BTBD16: variants seen among roughly 807,000 people sequenced by gnomAD.
BTBD16 encodes the protein BTB/POZ domain-containing protein 16.
A neutral mutation model predicts 67.4 loss-of-function variants in BTBD16; 66 were observed. The observed-to-expected ratio is 0.98, with a 90% CI of 0.80 to 1.20. BTBD16 has a LOEUF of 1.20. Ranked by LOEUF, BTBD16 falls within the 50% of genes most tolerant of loss-of-function variation. BTBD16 has a pLI of 0.00. For synonymous variants in BTBD16, 242 were observed against 236.4 expected (o/e 1.02, Z -0.22); for missense variants, 634 against 616.0 (o/e 1.03, Z -0.31).
At position 122,321,135 on chromosome 10, in the gene BTBD16, T is replaced by G. The variant is rs113030010; in HGVS notation, c.912-8345T>G. Among the ~76,000 whole-genome samples, 285 of 152,314 alleles carry G rather than the reference T, an allele frequency of 1.9e-3. 1 individual carries two copies. Among genetic ancestry groups the G allele is most frequent in the African/African-American group, 5.8e-3 (242 of 41,574 alleles). ...TTTTCTGTTTCTGCATTAATTCACT[T>G]AGGATAATGGTCTCCATCTGCATTC... On this transcript the variant is annotated intron_variant, in intron 10 of 15. Coordinates refer to ENST00000260723, the MANE Select transcript of BTBD16 (RefSeq NM_144587.5).
intron 2 of BTBD16, 143 bp from the exon 3 acceptor site, chr10:122,276,648 G>A: frequency 1.8e-6 from 2 of 1,084,512 alleles, no homozygotes; most frequent in South Asian, 1.6e-5. Context: ...GAGTTGTCTT[G>A]TGAGAAATAT....
intron 5 of BTBD16, chr10:122,287,378 G>A (rs944820932): frequency 2.2e-5 from 21 of 960,750 alleles, no homozygotes; most frequent in South Asian, 4.8e-5. Flanking sequence ...TTAACGTTAC[G>A]GTCTTTAACA....
intron 11 of BTBD16, 125 bp from the exon 12 acceptor site, chr10:122,331,051 G>A: frequency 7.7e-7 from 1 of 1,292,412 alleles, no homozygotes; most frequent in Non-Finnish European, 1.0e-6. Context: ...AAACCTTAAA[G>A]GAGACCATCC....
intron 10 of BTBD16, among the ~76,000 whole-genome samples, chr10:122,318,039 GT>G (rs527429961): frequency 9.9e-5 from 15 of 151,540 alleles, no homozygotes; most frequent in South Asian, 2.1e-4. Context: ...GCACAGTAGG[GT>G]TTTTTTTTAC....
chr10:122,304,392 T>C (rs2096399530), intron 9 of BTBD16, among the ~76,000 whole-genome samples: 1 of 152,084 alleles, frequency 6.6e-6, no homozygotes, highest in African/African-American at 2.4e-5. Context: ...GTGATGTATT[T>C]TAAGGCCAGG....
rs1229574035 is a variant in BTBD16 at position 122,271,359 on chromosome 10, A to AG, written c.-193dup. 1 of 152,258 alleles carries AG rather than the reference A, an allele frequency of 6.6e-6. No homozygotes were observed. The allele number at this position is 152,258 out of a possible 1,614,324, so 9.4% of individuals were successfully genotyped here. ...AAGCACCTTGGCCCATAAGAAGAAA[A>AG]GGGGGAGCCCCAGATGTGATGAGCG... On this transcript the variant is annotated 5_prime_UTR_variant, in exon 1 of 16. Transcript: ENST00000260723.
At chr10:122,277,345 G>A (rs2096343055) in intron 3 of BTBD16, among the ~76,000 whole-genome samples, 1 of 151,996 alleles carries the variant, frequency 6.6e-6, no homozygotes, top group Non-Finnish European at 1.5e-5. Flanking sequence ...TCAATCTCAT[G>A]GCATTCCGAG....
rs758122265 is a variant in BTBD16, at chr10:122,297,840, GAGAACAACCC to G, written c.660+7_660+16del. 5 of 1,613,954 alleles carry G rather than the reference GAGAACAACCC, an allele frequency of 3.1e-6. No homozygotes were observed. Among genetic ancestry groups the G allele is most frequent in the African/African-American group, 1.3e-5 (1 of 74,948 alleles). On this transcript the variant is annotated splice_donor_5th_base_variant and intron_variant, in intron 8 of 15. Transcript: ENST00000260723. ...AATTCTACGAGGCCGGCTGCAAGGTGAGAACAACCCAGACGGGGCACATCGCCCCTTGGGG... is the reference window on the plus strand; with the variant it reads ...AATTCTACGAGGCCGGCTGCAAGGTGAGACGGGGCACATCGCCCCTTGGGG...
rs541119104 is a variant in BTBD16 at position 122,284,318 on chromosome 10, A to T, written c.241+394A>T. 5.9e-5 allele frequency among the ~76,000 whole-genome samples: 9 copies of T among 152,228 alleles called. No homozygotes were observed. The South Asian group carries it at 1.9e-3, about 32-fold the overall frequency. ...ACAAAAACTAGCTAGTTGTAGTGGC[A>T]TGCACATGTAATCCCAGCTACTCAG... On this transcript the variant is annotated intron_variant, in intron 4 of 15. Transcript: ENST00000260723.
intron 2 of BTBD16, 139 bp downstream of exon 2, chr10:122,275,238 G>C: frequency 3.7e-6 from 3 of 819,050 alleles, no homozygotes; most frequent in East Asian, 4.9e-5. Context: ...GCTGGAAAGA[G>C]CGCGTCCAGG....
chr10:122,277,072 G>A, intron 3 of BTBD16, 133 bp downstream of exon 3: 1 of 1,065,006 alleles, frequency 9.4e-7, no homozygotes, highest in Admixed American at 2.8e-5. Flanking sequence ...TCCCTCTGGA[G>A]CCAGCTCTCA....
At chr10:122,298,218 G>C (rs891245122) in intron 8 of BTBD16, among the ~76,000 whole-genome samples, 5 of 152,136 alleles carry the variant, frequency 3.3e-5, no homozygotes, top group African/African-American at 1.2e-4. Context: ...CATTCTCAGA[G>C]GAGAAAACAG....
At position 122,336,493 on chromosome 10, in the gene BTBD16, GA is replaced by G. The variant is rs779010421; in HGVS notation, c.1264del (p.Arg422GlufsTer2). 3.8e-6 allele frequency: 6 copies of G among 1,598,510 alleles called. No individual in the cohort carries two copies. Among genetic ancestry groups the G allele is most frequent in the Non-Finnish European group, 5.1e-6 (6 of 1,174,144 alleles). On this transcript the variant is annotated frameshift_variant and splice_region_variant, in exon 15 of 16. Coordinates refer to ENST00000260723, the MANE Select transcript of BTBD16 (RefSeq NM_144587.5). LOFTEE classifies it high-confidence loss of function. Reference protein sequence around the residue: ...DTTSYSFYMQRIKHTDLESPS... With the variant: ...DTTSYSFYMQXIKHTDLESPS... Reference sequence around the variant, plus strand: ...CCTAAGGTGAATCACTCTCTTTGCAGAGAATAAAGCACACAGACCTGGAATC... The same window carrying G: ...CCTAAGGTGAATCACTCTCTTTGCAGGAATAAAGCACACAGACCTGGAATC...
At chr10:122,336,881 G>C (rs565228519) in intron 15 of BTBD16, among the ~76,000 whole-genome samples, 199 bp downstream of exon 15, 108 of 152,248 alleles carry the variant, frequency 7.1e-4, no homozygotes, top group Non-Finnish European at 1.3e-4. Context: ...CATGGATACA[G>C]GTAACTATAA....
intron 10 of BTBD16, among the ~76,000 whole-genome samples, chr10:122,312,067 A>G (rs547431608): frequency 6.6e-6 from 1 of 152,368 alleles, no homozygotes; most frequent in South Asian, 2.1e-4. Context: ...GTATTGCTAT[A>G]TACAACCATG....
intron 3 of BTBD16, among the ~76,000 whole-genome samples, chr10:122,282,706 A>C (rs111385842): frequency 2.9e-4 from 44 of 152,388 alleles, no homozygotes; most frequent in African/African-American, 1.0e-3. Context: ...GAGCACCTGC[A>C]TGATGGCTTG....
At chr10:122,317,575 A>G (rs1274507835) in intron 10 of BTBD16, among the ~76,000 whole-genome samples, 1 of 152,116 alleles carries the variant, frequency 6.6e-6, no homozygotes, top group Non-Finnish European at 1.5e-5. Context: ...TGAACCTGGG[A>G]GGCGGAGCTT....
At position 122,338,048 on chromosome 10, in the gene BTBD16, T is replaced by G. The variant is rs778724508; in HGVS notation, c.1484T>G (p.Ile495Ser). 1.2e-6 allele frequency: 2 copies of G among 1,612,374 alleles called. No homozygotes were observed. The highest frequency in any genetic ancestry group is 1.7e-6 in the Non-Finnish European group (2 of 1,178,484). Residue 495 changes from isoleucine to serine, a missense_variant, in exon 16 of 16, where the codon ATC becomes AGC. Ile to Ser is a moderately radical substitution (Grantham distance 142). Coordinates refer to ENST00000260723, the MANE Select transcript of BTBD16 (RefSeq NM_144587.5). ...AAAATCCAAACTGTGGGCATCCCAA[T>G]CTATGTAAGTTTTGCATTCATCTTC... ...TLKIQTVGIP[I>S]YVSFAFIFPA...
chr10:122,285,464 T>C (rs1407882245), intron 4 of BTBD16, among the ~76,000 whole-genome samples: 2 of 152,214 alleles, frequency 1.3e-5, no homozygotes, highest in East Asian at 3.9e-4. Context: ...TTGGTGGGCC[T>C]GCTATTGCCT....
Sources: gnomAD v4.1 joint callset for allele counts (sites outside exome capture counted in the v4.1 genomes callset) on GRCh38, gnomAD v4.1.1 for gene constraint, MANE v1.5 for transcripts, NCBI Gene and HGNC (gene_info 2026-07-23, HGNC 2026-07-21) for gene names.